The following NRXN1 variants were observed in gnomAD, a reference collection of about 807,000 sequenced individuals.
NRXN1 encodes neurexin 1, also known as neurexin-1.
In NRXN1, 39 loss-of-function variants were observed where a neutral mutation model predicts 150.9. The ratio of observed to expected loss-of-function variants is 0.26; its 90% CI spans 0.20 to 0.34. NRXN1 has a LOEUF of 0.34. Among genes scored for constraint, NRXN1 ranks in the 10% least tolerant of loss-of-function variants. The pLI, the probability that NRXN1 is intolerant of heterozygous loss-of-function variation, is 1.00. For missense variants in NRXN1, 1,815 were observed against 1,949.9 expected (o/e 0.93, Z 1.30); for synonymous variants, 924 against 757.0 (o/e 1.22, Z -3.62).
At chr2:50,050,338 A>C (rs1432809182) in intron 21 of NRXN1, among the ~76,000 whole-genome samples, 1 of 152,040 alleles carries the variant, frequency 6.6e-6, no homozygotes, top group Admixed American at 6.6e-5. Context: ...CATCTATTTG[A>C]AATGAGTCCA....
intron 18 of NRXN1, among the ~76,000 whole-genome samples, chr2:50,168,548 GT>G (rs1559017581): frequency 6.6e-6 from 1 of 152,132 alleles, no homozygotes; most frequent in African/African-American, 2.4e-5. Flanking sequence ...ACAGAACTTA[GT>G]TTTTTTCATC....
rs1234422116 is a variant in NRXN1 at position 50,825,328 on chromosome 2, G to A, written c.832+96541C>T. ...TATGCTAATGAATGTTTGCTGGCTG[G>A]CAGCCTCTAGATAGCTTCAGAATGG... On this transcript the variant is annotated intron_variant, in intron 5 of 22. Transcript: ENST00000401669. 2.0e-5 allele frequency among the ~76,000 whole-genome samples: 3 copies of A among 152,106 alleles called. No homozygotes were observed. In the East Asian group the frequency reaches 5.8e-4, roughly 29 times the overall value.
At chr2:50,215,129 C>G (rs936059156) in intron 18 of NRXN1, among the ~76,000 whole-genome samples, 2 of 151,956 alleles carry the variant, frequency 1.3e-5, no homozygotes, top group African/African-American at 2.4e-5. Flanking sequence ...CTGATACAGA[C>G]TTCCTTTACG....
At chr2:50,353,499 G>C (rs2078571680) in intron 17 of NRXN1, among the ~76,000 whole-genome samples, 1 of 152,056 alleles carries the variant, frequency 6.6e-6, no homozygotes, top group African/African-American at 2.4e-5. Context: ...AAGCTTCATT[G>C]TTTTTATTCA....
intron 8 of NRXN1, among the ~76,000 whole-genome samples, chr2:50,613,148 A>C (rs1325168170): frequency 6.6e-6 from 1 of 152,214 alleles, no homozygotes; most frequent in Non-Finnish European, 1.5e-5. Flanking sequence ...TAAATCAGGT[A>C]GAAAAAAAAT....
intron 21 of NRXN1, among the ~76,000 whole-genome samples, chr2:49,968,652 C>G (rs759597994): frequency 3.3e-5 from 5 of 152,046 alleles, no homozygotes; most frequent in African/African-American, 4.8e-5. Context: ...ATAACTAGTG[C>G]TGCTCAAACA....
chr2:49,929,722 AT>A (rs1001703473), intron 22 of NRXN1, among the ~76,000 whole-genome samples: 2 of 151,980 alleles, frequency 1.3e-5, no homozygotes, highest in African/African-American at 4.8e-5. Flanking sequence ...ATCTTTTATG[AT>A]TTTTTTTCTC....
At chr2:50,674,641 T>C (rs529970553) in intron 5 of NRXN1, among the ~76,000 whole-genome samples, 2 of 152,140 alleles carry the variant, frequency 1.3e-5, no homozygotes, top group Non-Finnish European at 2.9e-5. Flanking sequence ...CCTGAGAGTG[T>C]TTGGGAGTAG....
At chr2:50,877,292 CA>C (rs1341658293) in intron 5 of NRXN1, among the ~76,000 whole-genome samples, 3 of 151,780 alleles carry the variant, frequency 2.0e-5, no homozygotes, top group African/African-American at 7.3e-5. Flanking sequence ...AAAAGTTAAA[CA>C]AAGATAGAGA....
intron 5 of NRXN1, among the ~76,000 whole-genome samples, chr2:50,816,486 C>A (rs1366768919): frequency 2.6e-5 from 4 of 152,038 alleles, no homozygotes; most frequent in Non-Finnish European, 4.4e-5. Flanking sequence ...AGTAAAAAAA[C>A]TAAACAGAAG....
At chr2:50,144,595 T>C (rs568817705) in intron 18 of NRXN1, among the ~76,000 whole-genome samples, 1 of 151,990 alleles carries the variant, frequency 6.6e-6, no homozygotes, top group African/African-American at 2.4e-5. Context: ...GCCAATTTCA[T>C]CAAATGATAA....
At chr2:50,384,505 CAAAAAAAAAAAAAAAA>C (rs56052881) in intron 17 of NRXN1, among the ~76,000 whole-genome samples, 4 of 55,962 alleles carry the variant, frequency 7.1e-5, no homozygotes, top group Non-Finnish European at 1.4e-4. Context: ...GACTCCATCT[CAAAAAAAAAAAAAAAA>C]AAAAAAAAAA....
Position 50,272,897 on chromosome 2 carries a change from T to A in NRXN1, c.3365-35927A>T, listed in dbSNP as rs555343895. On this transcript the variant is annotated intron_variant, in intron 17 of 22. Coordinates refer to ENST00000401669, the MANE Select transcript of NRXN1 (RefSeq NM_001330078.2). Reference sequence around the variant, plus strand: ...AAAAGAAACCCTTAATGAAAAAAAATGAATTTGTAATACATAAAGAATTTT... The same window carrying A: ...AAAAGAAACCCTTAATGAAAAAAAAAGAATTTGTAATACATAAAGAATTTT... Among the ~76,000 whole-genome samples the A allele has an allele frequency of 5.3e-5, 8 of 151,720 alleles. No individual in the cohort carries two copies. In the South Asian group the frequency reaches 1.5e-3, roughly 28 times the overall value.
chr2:50,521,793 C>A (rs2092795439), intron 12 of NRXN1, among the ~76,000 whole-genome samples: 1 of 152,128 alleles, frequency 6.6e-6, no homozygotes, highest in Admixed American at 6.6e-5. Flanking sequence ...GAGAGTGTAT[C>A]ATGTGGCCTC....
intron 8 of NRXN1, among the ~76,000 whole-genome samples, chr2:50,580,789 G>A (rs1672143843): frequency 6.6e-6 from 1 of 152,056 alleles, no homozygotes; most frequent in South Asian, 2.1e-4. Context: ...AATCATCTGA[G>A]CAGAAGGGCT....
intron 18 of NRXN1, among the ~76,000 whole-genome samples, chr2:50,171,209 G>A (rs2060010634): frequency 6.7e-6 from 1 of 149,660 alleles, no homozygotes; most frequent in African/African-American, 2.5e-5. Flanking sequence ...GACCTGTACA[G>A]TTCAATCCTG....
chr2:50,505,265 T>C (rs1341568621), intron 13 of NRXN1, among the ~76,000 whole-genome samples: 1 of 152,084 alleles, frequency 6.6e-6, no homozygotes, highest in East Asian at 1.9e-4. Context: ...TCTCCTCAGA[T>C]CTCGTAACAC....
intron 2 of NRXN1, among the ~76,000 whole-genome samples, chr2:50,928,758 C>T (rs1260718458): frequency 6.6e-6 from 1 of 151,940 alleles, no homozygotes; most frequent in Non-Finnish European, 1.5e-5. Flanking sequence ...GCAGTCCATC[C>T]GGCCTTACCT....
chr2:50,230,178 A>T (rs1474664619), intron 18 of NRXN1, among the ~76,000 whole-genome samples: 2 of 152,064 alleles, frequency 1.3e-5, no homozygotes, highest in African/African-American at 4.8e-5. Flanking sequence ...AACCCTGAAA[A>T]CACTCACTAT....
Sources: allele counts gnomAD v4.1 joint callset (sites outside exome capture counted in the v4.1 genomes callset), GRCh38; gene constraint gnomAD v4.1.1; transcripts MANE v1.5; gene names NCBI Gene and HGNC (gene_info 2026-07-23, HGNC 2026-07-21).